The following ST7 variants were observed in gnomAD, a reference collection of about 807,000 sequenced individuals.
ST7 encodes the protein suppressor of tumorigenicity 7 protein.
ST7 carries 28 observed loss-of-function variants against 78.7 expected under a neutral mutation model. That is an observed-to-expected ratio of 0.36 (90% CI 0.26 to 0.49). The LOEUF (loss-of-function observed/expected upper bound fraction) is 0.49. Among genes scored for constraint, ST7 ranks in the 20% least tolerant of loss-of-function variants. The probability of loss-of-function intolerance (pLI) is 0.99; values close to 1 mark genes in which losing one functional copy is unlikely to be tolerated. For missense variants in ST7, 418 were observed against 696.0 expected, an observed-to-expected ratio of 0.60 and a Z score of 4.49; for synonymous variants, 247 against 249.6, an observed-to-expected ratio of 0.99 and a Z score of 0.10.
chr7:117,170,836 T>C lies in ST7; in HGVS notation c.964-26T>C, dbSNP rs761613833. On this transcript the variant is annotated intron_variant, in intron 9 of 15. Coordinates refer to ENST00000323984, the MANE Select transcript of ST7 (RefSeq NM_001369598.1). ...TTATAAGACATACATAATATACTAA[T>C]TATTCCTTGGTTTCTTCTGCCCTAG... The C allele has an allele frequency of 9.6e-6, 12 of 1,247,802 alleles. No homozygotes were observed. In the East Asian group the frequency reaches 2.7e-4, roughly 28 times the overall value. 77.3% of individuals were successfully genotyped at this position (1,247,802 alleles called of 1,614,324 possible).
chr7:117,115,746 G>A (rs1174775112), intron 2 of ST7, among the ~76,000 whole-genome samples: 2 of 152,022 alleles, frequency 1.3e-5, no homozygotes, highest in South Asian at 2.1e-4. Context: ...CTTTCCACTG[G>A]ATTTTTTTCC....
At chr7:117,020,413 G>A in intron 1 of ST7, 2 of 594,664 alleles carry the variant, frequency 3.4e-6, no homozygotes, top group South Asian at 2.8e-5. Flanking sequence ...CAATCACACC[G>A]GGAGAAAACT....
intron 3 of ST7, among the ~76,000 whole-genome samples, chr7:117,124,944 T>TTA (rs1355613306): frequency 6.6e-6 from 1 of 152,076 alleles, no homozygotes; most frequent in Non-Finnish European, 1.5e-5. Context: ...GAGTGACTCT[T>TTA]TATATCCAGG....
chr7:117,014,202 C>T (rs1563012174), intron 1 of ST7, among the ~76,000 whole-genome samples: 3 of 152,144 alleles, frequency 2.0e-5, no homozygotes, highest in East Asian at 1.9e-4. Context: ...ATTTATGTTT[C>T]GTCTTTTGGC....
intron 1 of ST7, among the ~76,000 whole-genome samples, chr7:116,996,219 C>T (rs1376011457): frequency 2.0e-5 from 3 of 151,910 alleles, no homozygotes; most frequent in African/African-American, 7.3e-5. Context: ...GTAGCTGGGA[C>T]TACAGGCATG....
Position 117,219,207 on chromosome 7 carries a change from G to C in ST7, c.1498+31G>C. The stretch of plus-strand genomic sequence containing the variant: ...TCTCACCTCTCTTCAGCCAGTGAGG[G>C]TGTGTGGTGAAAGGTGGGGATTGGA... On this transcript the variant is annotated intron_variant, in intron 14 of 15. Coordinates refer to ENST00000323984, the MANE Select transcript of ST7 (RefSeq NM_001369598.1). This position sits in a 1 kb window ranked among gnomAD's most constrained non-coding sequence, Gnocchi z 5.1. 1 of 1,553,566 alleles carries C rather than the reference G, an allele frequency of 6.4e-7. No individual in the cohort carries two copies. Among genetic ancestry groups the C allele is most frequent in the Non-Finnish European group, 8.8e-7 (1 of 1,131,864 alleles).
rs564265583 is a variant in ST7, at chr7:117,077,401, C to G, written c.152-22361C>G. 9.2e-5 allele frequency among the ~76,000 whole-genome samples: 14 copies of G among 152,270 alleles called. No homozygotes were observed. In the East Asian group the frequency reaches 2.7e-3, roughly 29 times the overall value. ...TTTATCTGCCTCCTGTCCCCATCAT[C>G]AGGAATTCTCAGTGATTTATAAATA... On this transcript the variant is annotated intron_variant, in intron 1 of 15. Coordinates refer to ENST00000323984, the MANE Select transcript of ST7 (RefSeq NM_001369598.1).
At chr7:117,095,803 C>T (rs1800984179) in intron 1 of ST7, among the ~76,000 whole-genome samples, 3 of 152,144 alleles carry the variant, frequency 2.0e-5, no homozygotes, top group African/African-American at 7.2e-5. Flanking sequence ...GTGGGTGGCT[C>T]ACACCTGTAA....
chr7:117,005,137 C>T (rs996954285), intron 1 of ST7, among the ~76,000 whole-genome samples: 7 of 152,130 alleles, frequency 4.6e-5, no homozygotes, highest in Non-Finnish European at 8.8e-5. Flanking sequence ...GAATCTTTTA[C>T]ATTCCCAGTG....
chr7:117,008,207 T>C (rs1795235256), intron 1 of ST7, among the ~76,000 whole-genome samples: 1 of 152,176 alleles, frequency 6.6e-6, no homozygotes, highest in Non-Finnish European at 1.5e-5. Flanking sequence ...ATTGTTGTAT[T>C]TTAGAGCTAG....
In ST7 at chr7:117,124,700, A is replaced by G. The variant is rs534774074; in HGVS notation, c.394+4980A>G. Among the ~76,000 whole-genome samples, 25 of 152,208 alleles carry G rather than the reference A, an allele frequency of 1.6e-4. No individual in the cohort carries two copies. The South Asian group carries it at 3.9e-3, about 24-fold the overall frequency. On this transcript the variant is annotated intron_variant, in intron 3 of 15. Transcript: ENST00000323984. The stretch of plus-strand genomic sequence containing the variant: ...AATCTTCTGTGTGTGACCTTGGGCA[A>G]GTTGTTTAACTTTGCTATGTCTTAG...
At chr7:117,156,654 G>A (rs1806715726) in intron 9 of ST7, among the ~76,000 whole-genome samples, 3 of 152,158 alleles carry the variant, frequency 2.0e-5, no homozygotes, top group African/African-American at 4.8e-5. Flanking sequence ...ATTGACAGAG[G>A]AGAAGCATCC....
intron 2 of ST7, among the ~76,000 whole-genome samples, chr7:117,115,319 T>A (rs1448384782): frequency 6.6e-6 from 1 of 151,964 alleles, no homozygotes; most frequent in Admixed American, 6.6e-5. Context: ...TCTTTCTTCC[T>A]ATCTTAGAGC....
chr7:117,145,158 T>C (rs1264668099), intron 9 of ST7, among the ~76,000 whole-genome samples: 2 of 152,194 alleles, frequency 1.3e-5, no homozygotes, highest in East Asian at 1.9e-4. Flanking sequence ...TGAGCCATGA[T>C]TGTGCTACTG....
intron 10 of ST7, among the ~76,000 whole-genome samples, chr7:117,177,574 G>C (rs1483446603): frequency 6.6e-6 from 1 of 152,182 alleles, no homozygotes. Context: ...CTGGTGTTTG[G>C]CTTTGTAGCG....
chr7:117,119,572 G>A lies in ST7; in HGVS notation c.246G>A (p.Trp82Ter). Residue 82 changes from tryptophan (W) to a stop codon, truncating the protein, a stop_gained, in exon 3 of 16, where the codon TGG (tryptophan) becomes TGA (stop). Transcript: ENST00000323984. LOFTEE classifies it high-confidence loss of function. ...LISGLILIFE[W>*]WYFRKYGTSF... ...TTTTTCTGTTCTAGATATTTGAATG[G>A]TGGTATTTTCGCAAATACGGAACTT... 1.2e-6 allele frequency: 2 copies of A among 1,612,122 alleles called. No homozygotes were observed. The highest frequency in any genetic ancestry group is 1.7e-6 in the Non-Finnish European group (2 of 1,179,676).
intron 1 of ST7, among the ~76,000 whole-genome samples, chr7:117,042,462 C>T (rs992667705): frequency 3.3e-5 from 5 of 152,100 alleles, no homozygotes; most frequent in African/African-American, 1.2e-4. Flanking sequence ...TGTTTTATTG[C>T]CTCTGTCTGG....
intron 1 of ST7, among the ~76,000 whole-genome samples, chr7:117,035,972 A>T (rs889227209): frequency 6.6e-6 from 1 of 152,216 alleles, no homozygotes; most frequent in Admixed American, 6.5e-5. Context: ...CAAGAAGTTT[A>T]TAGCTTTATT....
At chr7:117,110,573 A>G (rs1244728248) in intron 2 of ST7, among the ~76,000 whole-genome samples, 2 of 152,208 alleles carry the variant, frequency 1.3e-5, no homozygotes, top group Non-Finnish European at 2.9e-5. Context: ...CATCTTGTGC[A>G]GGCAGCCTGC....
Sources: gnomAD v4.1 joint callset for allele counts (sites outside exome capture counted in the v4.1 genomes callset) on GRCh38, gnomAD v4.1.1 for gene constraint, Gnocchi (gnomAD v3.1) non-coding constraint, MANE v1.5 for transcripts, NCBI Gene and HGNC (gene_info 2026-07-23, HGNC 2026-07-21) for gene names.